The following GANC variants were observed in gnomAD, a reference collection of about 807,000 sequenced individuals.
GANC encodes neutral alpha-glucosidase C.
GANC carries 117 observed loss-of-function variants against 124.2 expected under a neutral mutation model. The ratio of observed to expected loss-of-function variants is 0.94; its 90% CI spans 0.81 to 1.10. The LOEUF (loss-of-function observed/expected upper bound fraction) is 1.10, where lower values mean the gene tolerates loss of function less well. Among genes scored for constraint, GANC ranks in the 50% least tolerant of loss-of-function variants. The pLI is 0.00. For missense variants in GANC, 1,140 were observed against 1,095.0 expected (o/e 1.04, Z -0.58); for synonymous variants, 377 against 376.8 (o/e 1.00, Z -0.01).
chr15:42,342,606 A>T (rs1301301125), intron 18 of GANC, among the ~76,000 whole-genome samples: 1 of 151,594 alleles, frequency 6.6e-6, no homozygotes, highest in African/African-American at 2.4e-5. Context: ...AAAAAAAAAG[A>T]AAAAGAAAAC....
chr15:42,305,104 A>T lies in GANC; in HGVS notation c.559-1442A>T, dbSNP rs1443546547. ...GTAATAGCAACAAAAGCCAAAATTG[A>T]CAAATGGGATCTGATTAAACTGAGG... On this transcript the variant is annotated intron_variant, in intron 6 of 23. Coordinates refer to ENST00000318010, the MANE Select transcript of GANC (RefSeq NM_198141.3). 2.0e-5 allele frequency among the ~76,000 whole-genome samples: 3 copies of T among 152,232 alleles called. No individual in the cohort carries two copies. In the East Asian group the frequency reaches 5.8e-4, roughly 29 times the overall value.
intron 11 of GANC, among the ~76,000 whole-genome samples, chr15:42,326,062 T>C (rs914129020): frequency 1.3e-5 from 2 of 152,250 alleles, no homozygotes; most frequent in South Asian, 2.1e-4. Context: ...CTGGCCAGCA[T>C]TGGCCCAGTT....
intron 15 of GANC, among the ~76,000 whole-genome samples, chr15:42,335,031 C>T (rs1466875532): frequency 6.6e-6 from 1 of 152,064 alleles, no homozygotes; most frequent in African/African-American, 2.4e-5. Context: ...CCAGTTTTAC[C>T]AGATGTACAA....
At chr15:42,307,899 A>T (rs1460549181) in intron 7 of GANC, among the ~76,000 whole-genome samples, 1 of 152,204 alleles carries the variant, frequency 6.6e-6, no homozygotes, top group East Asian at 1.9e-4. Flanking sequence ...GAAAATTTCG[A>T]TTAGGAAAAA....
rs781141360 is a variant in GANC, at chr15:42,273,422, C to G, written c.-1060C>G. Reference sequence around the variant, plus strand: ...ATCTTCACAGCCGTGGAGTGCCTACCGAAAGCATTTCACCCTCTTCCGGTT... The same window carrying G: ...ATCTTCACAGCCGTGGAGTGCCTACGGAAAGCATTTCACCCTCTTCCGGTT... On this transcript the variant is annotated 5_prime_UTR_variant, in exon 1 of 24. Coordinates refer to ENST00000318010, the MANE Select transcript of GANC (RefSeq NM_198141.3). The G allele has an allele frequency of 6.8e-6, 11 of 1,613,184 alleles. No homozygotes were observed. The highest frequency in any genetic ancestry group is 9.3e-6 in the Non-Finnish European group (11 of 1,179,784).
Position 42,308,254 on chromosome 15 carries a change from C to A in GANC, c.658C>A (p.His220Asn). ...PSSIGLDFSLHGFEHLYGIPQ... is the reference protein window; with the variant it reads ...PSSIGLDFSLNGFEHLYGIPQ... ...TTCTATTGGTTTGGATTTCTCCTTG[C>A]ATGGATTTGAGCATCTTTATGGGAT... is the stretch of plus-strand genomic sequence containing the variant. The change falls in exon 8 of 24, where the codon CAT (histidine) becomes AAT (asparagine). Residue 220 changes from histidine to asparagine, a missense_variant. His to Asn is a moderately conservative substitution (Grantham distance 68). Coordinates refer to ENST00000318010, the MANE Select transcript of GANC (RefSeq NM_198141.3). 6.2e-7 allele frequency: 1 copy of A among 1,609,062 alleles called. No homozygotes were observed. The highest frequency in any genetic ancestry group is 1.1e-5 in the South Asian group (1 of 90,590).
At chr15:42,327,307 A>G (rs2052205803) in intron 12 of GANC, 56 bp from the exon 13 acceptor site, 4 of 1,316,924 alleles carry the variant, frequency 3.0e-6, no homozygotes, top group Non-Finnish European at 4.3e-6. Context: ...TTTACAATGC[A>G]TCCTACTGTG....
intron 4 of GANC, among the ~76,000 whole-genome samples, chr15:42,291,449 A>G (rs1268798829): frequency 5.3e-5 from 8 of 152,154 alleles, no homozygotes; most frequent in African/African-American, 1.9e-4. Context: ...AAAGATGTTG[A>G]AGTGGATTTG....
At chr15:42,340,617 ACT>A in intron 17 of GANC, 71 bp from the exon 18 acceptor site, 85 of 1,227,728 alleles carry the variant, frequency 6.9e-5, no homozygotes, top group Non-Finnish European at 7.8e-5. Flanking sequence ...AAAAAAAAAA[ACT>A]AAAAATATAA....
chr15:42,285,396 AAAAGAAAG>A (rs535179456), intron 3 of GANC, among the ~76,000 whole-genome samples: 3 of 152,156 alleles, frequency 2.0e-5, no homozygotes, highest in African/African-American at 4.8e-5. Context: ...GCTGATATTT[AAAAGAAAG>A]AAAGAAAGAA....
At position 42,273,687 on chromosome 15, in the gene GANC, A is replaced by G; in HGVS notation, c.-795A>G. 2 of 416,876 alleles carry G rather than the reference A, an allele frequency of 4.8e-6. No individual in the cohort carries two copies. The highest frequency in any genetic ancestry group is 4.6e-5 in the East Asian group (1 of 21,826). 25.8% of individuals were successfully genotyped at this position (416,876 alleles called of 1,614,324 possible). On this transcript the variant is annotated 5_prime_UTR_variant, in exon 1 of 24. Transcript: ENST00000318010. ...CTGTCTCCCAGCCGTTAAAGGTTTT[A>G]GGACCAGGCAGGCACCCCGTGCAGG...
chr15:42,347,702 A>G (rs909964353), intron 20 of GANC, among the ~76,000 whole-genome samples: 1 of 152,200 alleles, frequency 6.6e-6, no homozygotes, highest in East Asian at 1.9e-4. Flanking sequence ...ACTCACACAG[A>G]CAGAAAACTT....
At chr15:42,349,273 C>A in intron 21 of GANC, 110 bp from the exon 22 acceptor site, 1 of 709,492 alleles carries the variant, frequency 1.4e-6, no homozygotes, top group Non-Finnish European at 2.5e-6. Context: ...CTTTATATAG[C>A]TTGAATTTTT....
chr15:42,315,809 C>A (rs1056165057), intron 10 of GANC, among the ~76,000 whole-genome samples: 1 of 152,022 alleles, frequency 6.6e-6, no homozygotes, highest in Non-Finnish European at 1.5e-5. Flanking sequence ...GAGAAAAAGA[C>A]TAAGGTCCCT....
intron 2 of GANC, chr15:42,278,130 G>A: frequency 3.8e-6 from 1 of 264,850 alleles, no homozygotes; most frequent in South Asian, 3.2e-5. Flanking sequence ...ATATCCACTA[G>A]AAATTATTTA....
rs760982752 is a variant in GANC, at chr15:42,326,368, A to G, written c.1364A>G (p.Gln455Arg). ...DYSVYVKAKD[Q>R]GFFVKNQEGE... ...TCAGTATATGTGAAGGCCAAAGATCAGGGCTTCTTTGTGAAGAATCAGGAA... is the reference window on the plus strand; with the variant it reads ...TCAGTATATGTGAAGGCCAAAGATCGGGGCTTCTTTGTGAAGAATCAGGAA... Residue 455 changes from glutamine to arginine, a missense_variant, in exon 12 of 24, where the codon CAG becomes CGG. Physicochemically the swap from Gln to Arg is conservative, Grantham distance 43. Coordinates refer to ENST00000318010, the MANE Select transcript of GANC (RefSeq NM_198141.3). The G allele has an allele frequency of 3.7e-6, 6 of 1,614,164 alleles. No homozygotes were observed. The highest frequency in any genetic ancestry group is 5.1e-6 in the Non-Finnish European group (6 of 1,179,996).
intron 2 of GANC, 56 bp from the exon 3 acceptor site, chr15:42,278,426 T>C (rs557099434): frequency 8.4e-7 from 1 of 1,185,252 alleles, no homozygotes; most frequent in Non-Finnish European, 1.2e-6. Context: ...ATATAGTCTT[T>C]TGGATACTGA....
chr15:42,277,343 C>T (rs147218627), intron 2 of GANC, among the ~76,000 whole-genome samples: 1 of 151,972 alleles, frequency 6.6e-6, no homozygotes, highest in African/African-American at 2.4e-5. Flanking sequence ...CCAGCCTGAC[C>T]AACATGCAGA....
At chr15:42,281,015 C>A (rs1237279327) in intron 3 of GANC, 2 of 702,390 alleles carry the variant, frequency 2.8e-6, no homozygotes, top group African/African-American at 3.5e-5. Context: ...CAAGACAGCA[C>A]CTGGCTCAAA....
Sources: gnomAD v4.1 joint callset for allele counts (sites outside exome capture counted in the v4.1 genomes callset) on GRCh38, gnomAD v4.1.1 for gene constraint, MANE v1.5 for transcripts, NCBI Gene and HGNC (gene_info 2026-07-23, HGNC 2026-07-21) for gene names.